SHROOM3: variants seen among roughly 807,000 people sequenced by gnomAD.
SHROOM3 encodes the protein protein Shroom3.
Under a neutral mutation model 138.6 loss-of-function variants are expected in SHROOM3, and 47 were observed. The observed-to-expected ratio is 0.34, with a 90% confidence interval of 0.27 to 0.43. The LOEUF is 0.43. Ranked by LOEUF, SHROOM3 falls within the 20% of genes least tolerant of loss-of-function variation. The pLI, the probability that SHROOM3 is intolerant of heterozygous loss-of-function variation, is 1.00. For missense variants in SHROOM3, 2,491 were observed against 2,596.5 expected (o/e 0.96, Z 0.88); for synonymous variants, 1,062 against 1,063.3 (o/e 1.00, Z 0.02).
intron 1 of SHROOM3, among the ~76,000 whole-genome samples, chr4:76,472,562 T>C (rs571094738): frequency 6.6e-6 from 1 of 152,298 alleles, no homozygotes; most frequent in African/African-American, 2.4e-5. Context: ...GCATCTATAT[T>C]ATATGTACTT....
At chr4:76,762,176 A>C (rs1036096382) in intron 9 of SHROOM3, among the ~76,000 whole-genome samples, 2 of 152,250 alleles carry the variant, frequency 1.3e-5, no homozygotes, top group East Asian at 3.8e-4. Context: ...ATAAAATGGA[A>C]GTGGTAATGA....
rs770837589 is a variant in SHROOM3, at chr4:76,778,884, C to T, written c.5698C>T (p.Arg1900Cys). The T allele has an allele frequency of 2.0e-5, 32 of 1,613,136 alleles. No homozygotes were observed. The highest frequency in any genetic ancestry group is 2.7e-5 in the Non-Finnish European group (32 of 1,180,050). Residue 1900 changes from arginine to cysteine, a missense_variant, in exon 11 of 11, where the codon CGC becomes TGC. Coordinates refer to ENST00000296043, the MANE Select transcript of SHROOM3 (RefSeq NM_020859.4). The stretch of plus-strand genomic sequence containing the variant: ...CCGGGAGCTGAAGGAGAACCTGGAT[C>T]GCAGGGAGCGAGTAGTGCTGGGCAT... ...DARELKENLD[R>C]RERVVLGILA...
intron 2 of SHROOM3, among the ~76,000 whole-genome samples, chr4:76,618,322 T>C (rs1734927845): frequency 2.0e-5 from 3 of 152,260 alleles, no homozygotes; most frequent in South Asian, 2.1e-4. Context: ...GTAATTAATG[T>C]TGTTAAAACC....
intron 3 of SHROOM3, among the ~76,000 whole-genome samples, chr4:76,724,734 G>C (rs1560602490): frequency 6.6e-6 from 1 of 151,998 alleles, no homozygotes; most frequent in Non-Finnish European, 1.5e-5. Flanking sequence ...AATATATTTG[G>C]AGATATTTCC....
intron 2 of SHROOM3, among the ~76,000 whole-genome samples, chr4:76,633,141 C>T (rs964568939): frequency 4.0e-5 from 6 of 151,190 alleles, no homozygotes; most frequent in African/African-American, 1.2e-4. Flanking sequence ...AAGGCTGAGG[C>T]GGGGGAATCT....
intron 3 of SHROOM3, among the ~76,000 whole-genome samples, chr4:76,712,885 CTA>C (rs1720272621): frequency 6.6e-6 from 1 of 152,236 alleles, no homozygotes; most frequent in Admixed American, 6.5e-5. Flanking sequence ...GTAGCCTAGA[CTA>C]TGGTGTAGCT....
intron 2 of SHROOM3, among the ~76,000 whole-genome samples, chr4:76,615,455 A>AG (rs1166614703): frequency 1.3e-5 from 2 of 152,230 alleles, no homozygotes; most frequent in Non-Finnish European, 2.9e-5. Flanking sequence ...GACCCGCTGG[A>AG]GGAATGCAGC....
rs538111978 is a variant in SHROOM3 at position 76,506,037 on chromosome 4, C to T, written c.169-49572C>T. ...GGCACATATACACCATAGAATACTA[C>T]GTAGCCATAAAAAAGGATGAGTTCA... On this transcript the variant is annotated intron_variant, in intron 1 of 10. Coordinates refer to ENST00000296043, the MANE Select transcript of SHROOM3 (RefSeq NM_020859.4). Among the ~76,000 whole-genome samples, 22 of 152,138 alleles carry T rather than the reference C, an allele frequency of 1.4e-4. No individual in the cohort carries two copies. In the South Asian group the frequency reaches 2.5e-3, roughly 17 times the overall value.
chr4:76,677,079 T>C (rs764841638), intron 2 of SHROOM3, among the ~76,000 whole-genome samples: 12 of 152,156 alleles, frequency 7.9e-5, no homozygotes, highest in Non-Finnish European at 1.6e-4. Flanking sequence ...TAAATTCCCA[T>C]TTACTGAGGA....
chr4:76,762,744 A>G (rs1242555171), intron 9 of SHROOM3, among the ~76,000 whole-genome samples: 1 of 152,204 alleles, frequency 6.6e-6, no homozygotes, highest in East Asian at 1.9e-4. Context: ...AAACATGAAT[A>G]AGACACTGTG....
chr4:76,708,560 C>T (rs139761636), intron 2 of SHROOM3, among the ~76,000 whole-genome samples: 1 of 152,262 alleles, frequency 6.6e-6, no homozygotes, highest in East Asian at 1.9e-4. Flanking sequence ...CTGGTTATAC[C>T]AATGGGTGGT....
chr4:76,609,766 C>G (rs1174666347), intron 2 of SHROOM3, among the ~76,000 whole-genome samples: 1 of 152,176 alleles, frequency 6.6e-6, no homozygotes, highest in Non-Finnish European at 1.5e-5. Flanking sequence ...CTAACATTTA[C>G]CTAAATAGAG....
intron 2 of SHROOM3, among the ~76,000 whole-genome samples, chr4:76,569,085 G>A (rs1733784527): frequency 6.6e-6 from 1 of 152,208 alleles, no homozygotes; most frequent in Admixed American, 6.5e-5. Context: ...CCAGTTCTCA[G>A]CATATATGTG....
chr4:76,537,085 C>A (rs1732968649), intron 1 of SHROOM3, among the ~76,000 whole-genome samples: 1 of 152,118 alleles, frequency 6.6e-6, no homozygotes, highest in Admixed American at 6.6e-5. Flanking sequence ...TGTACTCCAG[C>A]CTGGGTGACA....
At chr4:76,593,882 T>A (rs1577906534) in intron 2 of SHROOM3, among the ~76,000 whole-genome samples, 2 of 152,216 alleles carry the variant, frequency 1.3e-5, no homozygotes, top group Non-Finnish European at 2.9e-5. Flanking sequence ...ACACCGATGA[T>A]GCTGTGTTCC....
At chr4:76,759,242 T>C (rs1721918065) in intron 8 of SHROOM3, among the ~76,000 whole-genome samples, 1 of 152,194 alleles carries the variant, frequency 6.6e-6, no homozygotes, top group Non-Finnish European at 1.5e-5. Context: ...GTGTCGTTCT[T>C]ATATGAATCA....
At chr4:76,591,371 TTC>T (rs1734270090) in intron 2 of SHROOM3, among the ~76,000 whole-genome samples, 1 of 152,222 alleles carries the variant, frequency 6.6e-6, no homozygotes, top group Non-Finnish European at 1.5e-5. Context: ...TACACTGTCA[TTC>T]TTGCTGTGGC....
intron 1 of SHROOM3, among the ~76,000 whole-genome samples, chr4:76,461,704 T>C (rs557665983): frequency 6.6e-6 from 1 of 151,862 alleles, no homozygotes; most frequent in Admixed American, 6.6e-5. Context: ...AAAAGGCTTA[T>C]GGTAATTCTT....
At chr4:76,505,660 CTTT>C (rs201633763) in intron 1 of SHROOM3, among the ~76,000 whole-genome samples, 10 of 135,774 alleles carry the variant, frequency 7.4e-5, no homozygotes, top group Non-Finnish European at 9.5e-5. Flanking sequence ...GGTATTGTGA[CTTT>C]TTTTTTTTTT....
Sources: allele counts gnomAD v4.1 joint callset (sites outside exome capture counted in the v4.1 genomes callset), GRCh38; gene constraint gnomAD v4.1.1; transcripts MANE v1.5; gene names NCBI Gene and HGNC (gene_info 2026-07-23, HGNC 2026-07-21).